EIPR1: variants seen among roughly 807,000 people sequenced by gnomAD.
EIPR1 encodes the protein EARP complex and GARP complex interacting protein 1.
A neutral mutation model predicts 48.1 loss-of-function variants in EIPR1; 25 were observed. That is an observed-to-expected ratio of 0.52 (90% CI 0.38 to 0.73). The LOEUF (loss-of-function observed/expected upper bound fraction) is 0.73. EIPR1 is among the 30% of genes least tolerant of loss of function. The probability of loss-of-function intolerance (pLI) is 0.00; values close to 1 mark genes in which losing one functional copy is unlikely to be tolerated. For missense variants in EIPR1, 415 were observed against 506.2 expected, an observed-to-expected ratio of 0.82 and a Z score of 1.73; for synonymous variants, 204 against 201.9, an observed-to-expected ratio of 1.01 and a Z score of -0.09.
chr2:3,324,346 C>G (rs1475243063), intron 3 of EIPR1, among the ~76,000 whole-genome samples: 1 of 152,246 alleles, frequency 6.6e-6, no homozygotes, highest in Non-Finnish European at 1.5e-5. Flanking sequence ...CGAGGCTGCA[C>G]CATTCCCGGC....
intron 5 of EIPR1, 53 bp downstream of exon 5, chr2:3,214,096 G>C (rs1432108806): frequency 3.3e-6 from 5 of 1,523,862 alleles, no homozygotes; most frequent in Admixed American, 1.7e-5. Flanking sequence ...GAGAACATGC[G>C]GGGTTTGGTT....
chr2:3,221,891 A>C (rs1395690007), intron 4 of EIPR1, among the ~76,000 whole-genome samples: 1 of 152,230 alleles, frequency 6.6e-6, no homozygotes. Context: ...ATGGCCACAG[A>C]CAGCTCTGGG....
intron 4 of EIPR1, among the ~76,000 whole-genome samples, chr2:3,241,125 G>C (rs62119041): frequency 0.91 from 134,962 of 148,386 alleles, 61,800 homozygotes; most frequent in East Asian, 0.97. Context: ...CTAAAGAAAA[G>C]CAGCAGACTC....
At chr2:3,269,289 G>A (rs1469214230) in intron 3 of EIPR1, among the ~76,000 whole-genome samples, 12 of 77,940 alleles carry the variant, frequency 1.5e-4, no homozygotes, top group Admixed American at 1.6e-4. Flanking sequence ...ATGGCACTCA[G>A]TCATGGCACT....
At position 3,377,327 on chromosome 2, in the gene EIPR1, A is replaced by G. The variant is rs114855764; in HGVS notation, c.42+321T>C. On this transcript the variant is annotated intron_variant, in intron 1 of 8. Transcript: ENST00000382125. ...TAAACAACATACAGTTCCTACCTTC[A>G]GGAACTCAAATTCTAGAGGAAAAGG... is the stretch of plus-strand genomic sequence containing the variant. 7.7e-4 allele frequency: 280 copies of G among 363,744 alleles called. 2 individuals carry two copies. Among genetic ancestry groups the G allele is most frequent in the African/African-American group, 5.4e-3 (258 of 48,188 alleles). The allele number at this position is 363,744 out of a possible 1,614,324, so 22.5% of individuals were successfully genotyped here.
At chr2:3,191,649 C>A (rs377703961) in intron 8 of EIPR1, among the ~76,000 whole-genome samples, 10 of 152,192 alleles carry the variant, frequency 6.6e-5, no homozygotes, top group Admixed American at 2.0e-4. Flanking sequence ...AGAATCTCTG[C>A]GGTTGCAACT....
intron 3 of EIPR1, among the ~76,000 whole-genome samples, chr2:3,257,923 G>C (rs1010253810): frequency 1.3e-4 from 20 of 152,166 alleles, no homozygotes; most frequent in African/African-American, 4.8e-4. Flanking sequence ...ATCCTGTCAC[G>C]CATGTTATTC....
chr2:3,376,307 A>G (rs899974048), intron 1 of EIPR1, among the ~76,000 whole-genome samples: 1 of 152,170 alleles, frequency 6.6e-6, no homozygotes, highest in East Asian at 1.9e-4. Context: ...CACATAGTTA[A>G]TAAGTGCTAG....
chr2:3,351,283 G>A (rs1046390935), intron 2 of EIPR1, among the ~76,000 whole-genome samples: 1 of 152,170 alleles, frequency 6.6e-6, no homozygotes, highest in Non-Finnish European at 1.5e-5. Flanking sequence ...TTACATGCGT[G>A]AGCGACCACA....
At chr2:3,247,763 G>A (rs1435936310) in intron 4 of EIPR1, among the ~76,000 whole-genome samples, 4 of 152,088 alleles carry the variant, frequency 2.6e-5, no homozygotes, top group South Asian at 2.1e-4. Context: ...TTTAATAGAA[G>A]AATAACCATA....
At chr2:3,321,289 C>G (rs1460620989) in intron 3 of EIPR1, among the ~76,000 whole-genome samples, 1 of 152,200 alleles carries the variant, frequency 6.6e-6, no homozygotes, top group Non-Finnish European at 1.5e-5. Flanking sequence ...AGGAGTCAAT[C>G]TTTTAACATC....
intron 1 of EIPR1, among the ~76,000 whole-genome samples, chr2:3,367,766 C>T (rs1185023336): frequency 3.3e-5 from 5 of 152,130 alleles, no homozygotes; most frequent in South Asian, 4.1e-4. Flanking sequence ...CTTAATCTCT[C>T]GGCTGGGTGC....
At chr2:3,310,510 G>T (rs541841149) in intron 3 of EIPR1, among the ~76,000 whole-genome samples, 2 of 145,046 alleles carry the variant, frequency 1.4e-5, no homozygotes, top group East Asian at 4.2e-4. Context: ...AAAATTAGCC[G>T]GGCGTAGTGG....
At chr2:3,264,680 C>T (rs1181607938) in intron 3 of EIPR1, among the ~76,000 whole-genome samples, 1 of 151,868 alleles carries the variant, frequency 6.6e-6, no homozygotes, top group African/African-American at 2.4e-5. Flanking sequence ...TGAACCAATG[C>T]TGTTTTTGTT....
At chr2:3,366,033 C>T (rs1006940998) in intron 1 of EIPR1, among the ~76,000 whole-genome samples, 1 of 152,184 alleles carries the variant, frequency 6.6e-6, no homozygotes, top group Admixed American at 6.5e-5. Context: ...AGAGGCCCGG[C>T]ATGGTGGCTC....
intron 2 of EIPR1, among the ~76,000 whole-genome samples, chr2:3,351,030 G>A (rs549838324): frequency 2.0e-4 from 28 of 136,648 alleles, no homozygotes; most frequent in African/African-American, 6.7e-4. Context: ...ACAGAGTCTC[G>A]CTCTGTCACC....
chr2:3,334,735 C>G (rs2103346280), intron 3 of EIPR1, among the ~76,000 whole-genome samples: 1 of 152,350 alleles, frequency 6.6e-6, no homozygotes, highest in South Asian at 2.1e-4. Context: ...TCTGCTATGG[C>G]AGGAATAAAA....
intron 3 of EIPR1, among the ~76,000 whole-genome samples, chr2:3,262,696 G>A (rs1478044568): frequency 6.6e-6 from 1 of 152,196 alleles, no homozygotes; most frequent in Non-Finnish European, 1.5e-5. Context: ...GTCACCACGT[G>A]GTCCCGGGGT....
chr2:3,287,322 A>G (rs372278275), intron 3 of EIPR1, among the ~76,000 whole-genome samples: 98 of 146,724 alleles, frequency 6.7e-4, no homozygotes, highest in Middle Eastern at 4.0e-3. Context: ...CTCGTTCACC[A>G]CACTCCAGAA....
Sources: gnomAD v4.1 joint callset for allele counts (sites outside exome capture counted in the v4.1 genomes callset) on GRCh38, gnomAD v4.1.1 for gene constraint, MANE v1.5 for transcripts, NCBI Gene and HGNC (gene_info 2026-07-23, HGNC 2026-07-21) for gene names.